DDAH1: variants seen among roughly 807,000 people sequenced by gnomAD.
DDAH1 encodes N(G),N(G)-dimethylarginine dimethylaminohydrolase 1.
DDAH1 carries 19 observed loss-of-function variants against 28.8 expected under a neutral mutation model. That is an observed-to-expected ratio of 0.66 (90% CI 0.46 to 0.97). The LOEUF (loss-of-function observed/expected upper bound fraction) is 0.97, where lower values mean the gene tolerates loss of function less well. Ranked by LOEUF, DDAH1 falls within the 50% of genes least tolerant of loss-of-function variation. The pLI, the probability that DDAH1 is intolerant of heterozygous loss-of-function variation, is 0.00. For synonymous variants in DDAH1, 153 were observed against 154.4 expected (o/e 0.99, Z 0.07); for missense variants, 326 against 375.9 (o/e 0.87, Z 1.10).
rs548230972 is a variant in DDAH1 at position 85,555,388 on chromosome 1, C to T, written c.-123+22596G>A. On this transcript the variant is annotated intron_variant, in intron 1 of 6. Coordinates refer to the DDAH1 transcript ENST00000426972. ...GAGTAAATTGTCCTTAGGAAGGTTA[C>T]GGGATTCATCCCAGATTTTTTAATT... 2.6e-5 allele frequency among the ~76,000 whole-genome samples: 4 copies of T among 152,296 alleles called. No homozygotes were observed. The South Asian group carries it at 8.3e-4, about 32-fold the overall frequency.
At chr1:85,374,349 C>T (rs1650541831) in intron 1 of DDAH1, among the ~76,000 whole-genome samples, 1 of 152,118 alleles carries the variant, frequency 6.6e-6, no homozygotes, top group African/African-American at 2.4e-5. Context: ...CAAACTCTGG[C>T]AGTGCAGCTA....
chr1:85,520,542 T>C (rs1657647817), intron 1 of DDAH1, among the ~76,000 whole-genome samples: 1 of 152,220 alleles, frequency 6.6e-6, no homozygotes, highest in Non-Finnish European at 1.5e-5. Flanking sequence ...AGTAGACACT[T>C]ATATGCAAAG....
chr1:85,429,971 T>C (rs919419108), intron 1 of DDAH1, among the ~76,000 whole-genome samples: 1 of 152,222 alleles, frequency 6.6e-6, no homozygotes, highest in Non-Finnish European at 1.5e-5. Flanking sequence ...TTCACTTTGA[T>C]GGTAGTTTCT....
At chr1:85,326,855 A>C (rs377086158) in intron 4 of DDAH1, among the ~76,000 whole-genome samples, 6 of 152,346 alleles carry the variant, frequency 3.9e-5, no homozygotes. Flanking sequence ...ATCTAATCCA[A>C]CATGTGGGCA....
In DDAH1 at chr1:85,446,872, T is replaced by A. The variant is rs201488330; in HGVS notation, c.303+17871A>T. Reference sequence around the variant, plus strand: ...TGCCCCTTTTCTTCCTGATGTACACTATTCCTGCAGCAACAGCATTTTACA... The same window carrying A: ...TGCCCCTTTTCTTCCTGATGTACACAATTCCTGCAGCAACAGCATTTTACA... On this transcript the variant is annotated intron_variant, in intron 1 of 5. Coordinates refer to ENST00000284031, the MANE Select transcript of DDAH1 (RefSeq NM_012137.4). 6.6e-5 allele frequency among the ~76,000 whole-genome samples: 10 copies of A among 152,296 alleles called. No individual in the cohort carries two copies. The East Asian group carries it at 1.7e-3, about 27-fold the overall frequency.
intron 1 of DDAH1, among the ~76,000 whole-genome samples, chr1:85,388,140 C>T (rs973911297): frequency 6.6e-6 from 1 of 152,180 alleles, no homozygotes; most frequent in Non-Finnish European, 1.5e-5. Flanking sequence ...AACATGAGAT[C>T]TGGAGAGACA....
chr1:85,403,005 T>A (rs1201321266), intron 1 of DDAH1, among the ~76,000 whole-genome samples: 1 of 151,870 alleles, frequency 6.6e-6, no homozygotes, highest in African/African-American at 2.4e-5. Flanking sequence ...GCATGCTGGG[T>A]ATGTACCCAT....
chr1:85,541,682 T>C (rs1570659588), intron 1 of DDAH1, among the ~76,000 whole-genome samples: 1 of 152,186 alleles, frequency 6.6e-6, no homozygotes. Context: ...TAGAATTCAT[T>C]TGTAGAAACC....
At chr1:85,500,557 T>C (rs1656787823) in intron 1 of DDAH1, among the ~76,000 whole-genome samples, 1 of 152,150 alleles carries the variant, frequency 6.6e-6, no homozygotes, top group Admixed American at 6.5e-5. Context: ...CTTTGTTTTT[T>C]ATCCTGCATG....
intron 1 of DDAH1, among the ~76,000 whole-genome samples, chr1:85,364,834 A>G (rs920128464): frequency 1.3e-5 from 2 of 152,162 alleles, no homozygotes; most frequent in Admixed American, 6.5e-5. Context: ...ATGAGCCACC[A>G]TGCCTGGCTG....
chr1:85,419,376 T>C (rs915794253), intron 1 of DDAH1, among the ~76,000 whole-genome samples: 2 of 151,566 alleles, frequency 1.3e-5, no homozygotes, highest in East Asian at 1.9e-4. Flanking sequence ...CTGTCTCTAC[T>C]AAAAACACAA....
At chr1:85,404,577 A>G (rs1652316426) in intron 1 of DDAH1, 2 of 1,339,386 alleles carry the variant, frequency 1.5e-6, no homozygotes, top group Non-Finnish European at 9.6e-7. Flanking sequence ...CATTTTCCAG[A>G]CTCTTGTGGG....
chr1:85,541,167 C>T (rs980736814), intron 1 of DDAH1, among the ~76,000 whole-genome samples: 4 of 152,172 alleles, frequency 2.6e-5, no homozygotes, highest in Admixed American at 2.0e-4. Flanking sequence ...CGTTCATTCT[C>T]CTGCCATGAT....
intron 1 of DDAH1, among the ~76,000 whole-genome samples, chr1:85,568,753 A>C (rs976965930): frequency 3.3e-5 from 5 of 152,160 alleles, no homozygotes; most frequent in Non-Finnish European, 7.4e-5. Flanking sequence ...AATTATATCC[A>C]AGCAGAGAAA....
intron 1 of DDAH1, among the ~76,000 whole-genome samples, chr1:85,540,937 G>A (rs1426136252): frequency 6.9e-6 from 1 of 145,504 alleles, no homozygotes; most frequent in Non-Finnish European, 1.5e-5. Flanking sequence ...TCCAGCCTGG[G>A]TGAAAGAGCG....
chr1:85,380,477 G>A (rs1335074550), intron 1 of DDAH1: 1 of 152,164 alleles, frequency 6.6e-6, no homozygotes, highest in African/African-American at 2.4e-5. Flanking sequence ...GGCACTGGCA[G>A]AGCTGAAATG....
At chr1:85,564,949 C>T (rs967781945) in intron 1 of DDAH1, among the ~76,000 whole-genome samples, 12 of 151,958 alleles carry the variant, frequency 7.9e-5, no homozygotes, top group Non-Finnish European at 1.2e-4. Context: ...GTAATTCCAG[C>T]ACTTTGGGAG....
At chr1:85,327,962 G>A (rs1164369228) in intron 4 of DDAH1, among the ~76,000 whole-genome samples, 9 of 152,102 alleles carry the variant, frequency 5.9e-5, no homozygotes, top group Non-Finnish European at 1.0e-4. Context: ...CTTTTTAAAC[G>A]CTACAGAGAA....
chr1:85,577,386 G>A (rs570470958), intron 1 of DDAH1, among the ~76,000 whole-genome samples: 60 of 152,154 alleles, frequency 3.9e-4, no homozygotes, highest in Non-Finnish European at 2.9e-4. Flanking sequence ...CCTTAAAGCC[G>A]GTCTTTTGCA....
Sources: allele counts gnomAD v4.1 joint callset (sites outside exome capture counted in the v4.1 genomes callset), GRCh38; gene constraint gnomAD v4.1.1; transcripts MANE v1.5; gene names NCBI Gene and HGNC (gene_info 2026-07-23, HGNC 2026-07-21).